Variants in SLC22A25 observed in about 807,000 individuals in gnomAD.
SLC22A25 encodes the protein solute carrier family 22 member 25.
In SLC22A25, 44 loss-of-function variants were observed where a neutral mutation model predicts 45.9. That is an observed-to-expected ratio of 0.96 (90% CI 0.75 to 1.23). The LOEUF (loss-of-function observed/expected upper bound fraction) is 1.23. SLC22A25 is among the 50% of genes most tolerant of loss of function. The pLI, the probability that SLC22A25 is intolerant of heterozygous loss-of-function variation, is 0.00. For missense variants in SLC22A25, 800 were observed against 666.4 expected (o/e 1.20, Z -2.21); for synonymous variants, 283 against 238.6 (o/e 1.19, Z -1.72).
chr11:63,170,941 C>G (rs1379912959), intron 9 of SLC22A25, among the ~76,000 whole-genome samples: 1 of 152,114 alleles, frequency 6.6e-6, no homozygotes, highest in African/African-American at 2.4e-5. Flanking sequence ...CTGAATCCAG[C>G]AGCACATCAA....
chr11:63,213,493 A>T (rs2089631558), intron 7 of SLC22A25, among the ~76,000 whole-genome samples: 1 of 152,160 alleles, frequency 6.6e-6, no homozygotes, highest in African/African-American at 2.4e-5. Flanking sequence ...ATCCTTATAG[A>T]AGATGCCAAC....
chr11:63,208,800 A>ACCAGCTTCATGG (rs370860732), intron 7 of SLC22A25, among the ~76,000 whole-genome samples: 2 of 151,990 alleles, frequency 1.3e-5, no homozygotes, highest in African/African-American at 4.8e-5. Flanking sequence ...GGCTGATAGG[A>ACCAGCTTCATGG]CCAGCTTCAT....
chr11:63,193,111 T>C (rs1304420643), intron 7 of SLC22A25, among the ~76,000 whole-genome samples: 1 of 152,008 alleles, frequency 6.6e-6, no homozygotes, highest in Non-Finnish European at 1.5e-5. Context: ...AAATGCAAAA[T>C]AACTGAAATC....
At position 63,237,334 on chromosome 11, in the gene SLC22A25, C is replaced by T. The variant is rs1193895; in HGVS notation, c.-445+547G>A. Among the ~76,000 whole-genome samples the T allele has an allele frequency of 5.4e-4, 82 of 152,222 alleles. 1 individual carries two copies. The highest frequency in any genetic ancestry group is 3.7e-3 in the South Asian group (18 of 4,820). Reference sequence around the variant, plus strand: ...ATATAAGTTGAAATAAAAAAAGAGACGAGACCTTTAAGAGGTGAATAGGTT... The same window carrying T: ...ATATAAGTTGAAATAAAAAAAGAGATGAGACCTTTAAGAGGTGAATAGGTT... On this transcript the variant is annotated intron_variant, in intron 3 of 11. Transcript: ENST00000306494.
In SLC22A25 at chr11:63,238,790, C is replaced by T; in HGVS notation, c.-650G>A. 1 of 234,612 alleles carries T rather than the reference C, an allele frequency of 4.3e-6. No homozygotes were observed. Among genetic ancestry groups the T allele is most frequent in the Non-Finnish European group, 9.3e-6 (1 of 107,710 alleles). The allele number at this position is 234,612 out of a possible 1,614,324, so 14.5% of individuals were successfully genotyped here. A position where few individuals can be genotyped will look rare whatever the true frequency, so the allele number is the denominator to read the frequency against. ...TCCACACACGGTTCCATGTCTGGTT[C>T]ATTCATATTGAGGAATGTCCCATTC... is the stretch of plus-strand genomic sequence containing the variant. On this transcript the variant is annotated 5_prime_UTR_variant, in exon 2 of 12. The change abolishes an upstream ATG in the 5' untranslated region. Transcript: ENST00000306494.
At chr11:63,223,860 T>G (rs915670338) in intron 5 of SLC22A25, among the ~76,000 whole-genome samples, 1 of 152,114 alleles carries the variant, frequency 6.6e-6, no homozygotes, top group African/African-American at 2.4e-5. Context: ...TCCTTCTTAA[T>G]CTATTCATAC....
At chr11:63,234,607 C>T (rs1425227249) in intron 3 of SLC22A25, among the ~76,000 whole-genome samples, 1 of 152,120 alleles carries the variant, frequency 6.6e-6, no homozygotes, top group Non-Finnish European at 1.5e-5. Flanking sequence ...CCAGTCTGTG[C>T]CTTTCAATTG....
chr11:63,220,669 CT>C (rs2089833190), intron 5 of SLC22A25, among the ~76,000 whole-genome samples: 1 of 152,162 alleles, frequency 6.6e-6, no homozygotes, highest in Non-Finnish European at 1.5e-5. Context: ...TAAATTATTA[CT>C]GACTGCAGTC....
chr11:63,177,864 A>AATGTGTAT (rs1554969847), intron 9 of SLC22A25, among the ~76,000 whole-genome samples: 4 of 31,080 alleles, frequency 1.3e-4, no homozygotes, highest in Non-Finnish European at 2.2e-4. Context: ...GTATATATAT[A>AATGTGTAT]ATATATATAA....
intron 3 of SLC22A25, among the ~76,000 whole-genome samples, chr11:63,230,780 C>T (rs943843815): frequency 2.0e-5 from 3 of 152,170 alleles, no homozygotes; most frequent in Admixed American, 2.0e-4. Flanking sequence ...AGGTATATCT[C>T]CTAATGCTAT....
At chr11:63,225,012 T>C (rs929831581) in intron 5 of SLC22A25, among the ~76,000 whole-genome samples, 1 of 152,108 alleles carries the variant, frequency 6.6e-6, no homozygotes, top group African/African-American at 2.4e-5. Context: ...GGCAGGAGAA[T>C]GGCGTGAACC....
rs2087595324 is a variant in SLC22A25 at position 63,164,067 on chromosome 11, T to C, written c.1401A>G (p.Arg467=). Residue 467 remains arginine, a synonymous_variant, in exon 12 of 12, where the codon AGA becomes AGG. Transcript: ENST00000306494. The part of the protein sequence containing the change: ...NELIPSIIRG[R]ATGITGNFAN... The stretch of plus-strand genomic sequence containing the variant: ...CAAAGTTTCCAGTGATTCCAGTAGC[T>C]CTTCCCCTTGGAGTAAAAACAGCAA... The C allele has an allele frequency of 6.3e-7, 1 of 1,585,354 alleles. No individual in the cohort carries two copies. The highest frequency in any genetic ancestry group is 2.2e-5 in the East Asian group (1 of 44,552).
At chr11:63,216,048 G>A (rs1214342613) in intron 7 of SLC22A25, among the ~76,000 whole-genome samples, 1 of 151,994 alleles carries the variant, frequency 6.6e-6, no homozygotes, top group Non-Finnish European at 1.5e-5. Flanking sequence ...TTTTGTTATT[G>A]TTGATAGAGC....
chr11:63,183,595 C>A, intron 8 of SLC22A25, 99 bp downstream of exon 8: 1 of 1,499,954 alleles, frequency 6.7e-7, no homozygotes, highest in Non-Finnish European at 9.1e-7. Flanking sequence ...CATAACTCTA[C>A]CTGTGTTTCT....
chr11:63,171,517 GACAA>G (rs1316436343), intron 9 of SLC22A25, among the ~76,000 whole-genome samples: 5 of 152,090 alleles, frequency 3.3e-5, no homozygotes, highest in Middle Eastern at 3.2e-3. Flanking sequence ...ATCAACAATA[GACAA>G]ACAGAGAGCC....
rs35794428 is a variant in SLC22A25, at chr11:63,167,270, GTT to G, written c.1071-1014_1071-1013del. On this transcript the variant is annotated intron_variant, in intron 9 of 11. Transcript: ENST00000306494. ...GGGAGACACTGAGCTAGCTGCAGGA[GTT>G]TTTTTTTTTTCCCCCAGTGGGACCT... 67 of 150,114 alleles carry G rather than the reference GTT, an allele frequency of 4.5e-4. No individual in the cohort carries two copies. In the East Asian group the frequency reaches 9.0e-3, roughly 20 times the overall value. The allele number at this position is 150,114 out of a possible 1,614,324, so 9.3% of individuals were successfully genotyped here. A position where few individuals can be genotyped will look rare whatever the true frequency, so the allele number is the denominator to read the frequency against.
rs1408021285 is a variant in SLC22A25, at chr11:63,217,738, G to A, written c.507-3C>T. 1 of 1,600,838 alleles carries A rather than the reference G, an allele frequency of 6.2e-7. No homozygotes were observed. Among genetic ancestry groups the A allele is most frequent in the Non-Finnish European group, 8.5e-7 (1 of 1,176,246 alleles). The stretch of plus-strand genomic sequence containing the variant: ...TGAGCACGAACTTTCTCCCAAACCT[G>A]AGAAACAGGGGCACATTAGATAATG... On this transcript the variant is annotated splice_region_variant and splice_polypyrimidine_tract_variant and intron_variant, in intron 5 of 11. Transcript: ENST00000306494.
At chr11:63,216,108 A>C (rs550974054) in intron 7 of SLC22A25, among the ~76,000 whole-genome samples, 2 of 152,304 alleles carry the variant, frequency 1.3e-5, no homozygotes, top group East Asian at 3.9e-4. Flanking sequence ...CATATGACCG[A>C]CTATTATGAA....
intron 8 of SLC22A25, among the ~76,000 whole-genome samples, chr11:63,182,699 C>A (rs746310407): frequency 6.6e-6 from 1 of 151,980 alleles, no homozygotes; most frequent in Non-Finnish European, 1.5e-5. Context: ...AACGTTAACT[C>A]ACAGGAAGAT....
Sources: allele counts gnomAD v4.1 joint callset (sites outside exome capture counted in the v4.1 genomes callset), GRCh38; gene constraint gnomAD v4.1.1; transcripts MANE v1.5; gene names NCBI Gene and HGNC (gene_info 2026-07-23, HGNC 2026-07-21).